Variants in NDUFB5 observed in about 807,000 individuals in gnomAD.
The protein encoded by NDUFB5 is NADH:ubiquinone oxidoreductase subunit B5.
NDUFB5 carries 19 observed loss-of-function variants against 19.4 expected under a neutral mutation model. That is an observed-to-expected ratio of 0.98 (90% CI 0.68 to 1.43). The LOEUF (loss-of-function observed/expected upper bound fraction) is 1.43, where lower values mean the gene tolerates loss of function less well. NDUFB5 is among the 40% of genes most tolerant of loss of function. The probability of loss-of-function intolerance (pLI) is 0.00; values close to 1 mark genes in which losing one functional copy is unlikely to be tolerated. For missense variants in NDUFB5, 233 were observed against 236.5 expected (o/e 0.99, Z 0.10); for synonymous variants, 80 against 82.6 (o/e 0.97, Z 0.17).
At chr3:179,620,338 A>G (rs1314823558) in intron 5 of NDUFB5, among the ~76,000 whole-genome samples, 6 of 151,738 alleles carry the variant, frequency 4.0e-5, no homozygotes, top group Non-Finnish European at 7.4e-5. Context: ...TAGGTCTAAC[A>G]TTTAGGTCTT....
chr3:179,620,255 G>C (rs570508259), intron 5 of NDUFB5, among the ~76,000 whole-genome samples: 1 of 152,152 alleles, frequency 6.6e-6, no homozygotes, highest in East Asian at 1.9e-4. Flanking sequence ...TGGTGTTTTA[G>C]ACATGAAGTC....
chr3:179,611,915 G>A (rs921204113), intron 1 of NDUFB5, among the ~76,000 whole-genome samples: 1 of 151,996 alleles, frequency 6.6e-6, no homozygotes, highest in Non-Finnish European at 1.5e-5. Flanking sequence ...TATTTTTGGT[G>A]TCAGGAGGTT....
chr3:179,618,093 T>TG (rs1719427429), intron 4 of NDUFB5: 1 of 167,778 alleles, frequency 6.0e-6, no homozygotes, highest in African/African-American at 2.4e-5. Flanking sequence ...AACCTGGGTT[T>TG]GTCTTCTGAA....
intron 1 of NDUFB5, among the ~76,000 whole-genome samples, chr3:179,612,475 CTTTTTTTTTT>C (rs760879075): frequency 8.1e-6 from 1 of 122,868 alleles, no homozygotes; most frequent in Non-Finnish European, 1.7e-5. Context: ...TGCATTAAAC[CTTTTTTTTTT>C]TTTTTTTTTT....
chr3:179,611,769 C>T (rs750844236), intron 1 of NDUFB5, among the ~76,000 whole-genome samples: 4 of 152,034 alleles, frequency 2.6e-5, no homozygotes, highest in African/African-American at 4.8e-5. Flanking sequence ...TTATAAAAAT[C>T]GCAATCATCA....
Position 179,618,856 on chromosome 3 carries a change from GA to G in NDUFB5, c.449+345del, listed in dbSNP as rs879788951. Among the ~76,000 whole-genome samples, 122 of 148,306 alleles carry G rather than the reference GA, an allele frequency of 8.2e-4. 1 individual carries two copies. The highest frequency in any genetic ancestry group is 2.5e-3 in the African/African-American group (102 of 40,588). On this transcript the variant is annotated intron_variant, in intron 5 of 5. Coordinates refer to ENST00000259037, the MANE Select transcript of NDUFB5 (RefSeq NM_002492.4). The stretch of plus-strand genomic sequence containing the variant: ...GCAGTGTGAGACTCCGTCTCCAAAG[GA>G]AAAAAAAAATGGATAAAGATAGAAT...
At position 179,624,015 on chromosome 3, in the gene NDUFB5, C is replaced by A; in HGVS notation, c.545C>A (p.Ser182Tyr). The change falls in exon 6 of 6, where the codon TCT (serine) becomes TAT (tyrosine). Residue 182 changes from serine (S) to tyrosine (Y), a missense_variant. By Grantham distance (144) the Ser-to-Tyr change is moderately radical. Coordinates refer to ENST00000259037, the MANE Select transcript of NDUFB5 (RefSeq NM_002492.4). ...ETIDKELIDH[S>Y]PKATPDN ...ATTGACAAGGAACTTATTGATCATTCTCCGAAAGCAACTCCTGACAATTAA... is the reference window on the plus strand; with the variant it reads ...ATTGACAAGGAACTTATTGATCATTATCCGAAAGCAACTCCTGACAATTAA... 6.2e-7 allele frequency: 1 copy of A among 1,613,750 alleles called. No individual in the cohort carries two copies. Among genetic ancestry groups the A allele is most frequent in the South Asian group, 1.1e-5 (1 of 91,020 alleles).
At chr3:179,614,801 A>G in intron 1 of NDUFB5, 170 bp from the exon 2 acceptor site, 2 of 398,358 alleles carry the variant, frequency 5.0e-6, no homozygotes, top group African/African-American at 2.0e-5. Flanking sequence ...TGCCTACCTC[A>G]TAACAAGGTT....
chr3:179,613,871 A>G (rs192757196), intron 1 of NDUFB5, among the ~76,000 whole-genome samples: 1 of 152,350 alleles, frequency 6.6e-6, no homozygotes, highest in African/African-American at 2.4e-5. Flanking sequence ...ACAGTAGGAA[A>G]GATCTCGTGT....
At chr3:179,606,524 G>A (rs957342614) in intron 1 of NDUFB5, among the ~76,000 whole-genome samples, 4 of 151,984 alleles carry the variant, frequency 2.6e-5, no homozygotes, top group Non-Finnish European at 4.4e-5. Context: ...GTTTTTAGTA[G>A]AGATGGGGTT....
intron 5 of NDUFB5, among the ~76,000 whole-genome samples, chr3:179,620,531 G>T (rs577337331): frequency 6.6e-6 from 1 of 152,226 alleles, no homozygotes; most frequent in African/African-American, 2.4e-5. Flanking sequence ...ATTTCTGAGG[G>T]CTCTGTTCTG....
intron 1 of NDUFB5, among the ~76,000 whole-genome samples, chr3:179,610,067 T>C (rs1449944746): frequency 6.6e-6 from 1 of 152,102 alleles, no homozygotes; most frequent in African/African-American, 2.4e-5. Context: ...TACATGCCAC[T>C]CTGCCAGGCT....
Position 179,607,669 on chromosome 3 carries a change from C to T in NDUFB5, c.124+2730C>T, listed in dbSNP as rs76661780. On this transcript the variant is annotated intron_variant, in intron 1 of 5. Transcript: ENST00000259037. ...CATTCCTAATGCTATGCAACCATCA[C>T]CATCATCCAACTCCAGAACTTTTTT... 2,391 of 682,416 alleles carry T rather than the reference C, an allele frequency of 3.5e-3. 59 individuals carry two copies. In the East Asian group the frequency reaches 0.055, roughly 16 times the overall value. The allele number at this position is 682,416 out of a possible 1,614,324, so 42.3% of individuals were successfully genotyped here. A position where few individuals can be genotyped will look rare whatever the true frequency, so the allele number is the denominator to read the frequency against.
chr3:179,606,511 T>C (rs1177867481), intron 1 of NDUFB5, among the ~76,000 whole-genome samples: 1 of 151,972 alleles, frequency 6.6e-6, no homozygotes, highest in Admixed American at 6.6e-5. Flanking sequence ...GCTAATTTTA[T>C]GTGTTTTTAG....
chr3:179,621,325 TC>T, intron 5 of NDUFB5, among the ~76,000 whole-genome samples: 1 of 152,114 alleles, frequency 6.6e-6, no homozygotes, highest in Non-Finnish European at 1.5e-5. Flanking sequence ...CGATCCACCC[TC>T]TGGGCCTCCC....
chr3:179,606,252 T>C (rs532523584), intron 1 of NDUFB5, among the ~76,000 whole-genome samples: 15 of 152,350 alleles, frequency 9.8e-5, no homozygotes, highest in African/African-American at 3.4e-4. Flanking sequence ...ATTTTACAGA[T>C]GAGGAAACTG....
chr3:179,612,765 C>T (rs909625635), intron 1 of NDUFB5, among the ~76,000 whole-genome samples: 3 of 152,082 alleles, frequency 2.0e-5, no homozygotes, highest in Non-Finnish European at 2.9e-5. Context: ...CGTGAGCCGC[C>T]GCGCTCAGCC....
chr3:179,618,256 C>T (rs1395605066), intron 4 of NDUFB5, 159 bp from the exon 5 acceptor site: 2 of 496,660 alleles, frequency 4.0e-6, no homozygotes, highest in Non-Finnish European at 7.0e-6. Flanking sequence ...AAATAGTATC[C>T]ACCTCATCTG....
chr3:179,614,872 A>G, intron 1 of NDUFB5, 99 bp from the exon 2 acceptor site: 1 of 868,960 alleles, frequency 1.2e-6, no homozygotes, highest in South Asian at 2.1e-5. Context: ...ATGAGCTACA[A>G]AAGGATCCTT....
Sources: allele counts gnomAD v4.1 joint callset (sites outside exome capture counted in the v4.1 genomes callset), GRCh38; gene constraint gnomAD v4.1.1; transcripts MANE v1.5; gene names NCBI Gene and HGNC (gene_info 2026-07-23, HGNC 2026-07-21).